Variants in EXOC4 observed in about 807,000 individuals in gnomAD.
EXOC4 encodes SEC8-like 1.
EXOC4 carries 71 observed loss-of-function variants against 107.2 expected under a neutral mutation model. The ratio of observed to expected loss-of-function variants is 0.66; its 90% CI spans 0.55 to 0.81. The LOEUF is 0.81. EXOC4 is among the 30% of genes least tolerant of loss of function. The pLI, the probability that EXOC4 is intolerant of heterozygous loss-of-function variation, is 0.00. For missense variants in EXOC4, 1,108 were observed against 1,189.6 expected (o/e 0.93, Z 1.01); for synonymous variants, 456 against 441.2 (o/e 1.03, Z -0.42).
chr7:133,278,758 A>G (rs971784136), intron 2 of EXOC4, among the ~76,000 whole-genome samples: 12 of 152,168 alleles, frequency 7.9e-5, no homozygotes, highest in African/African-American at 2.7e-4. Flanking sequence ...AACTATCGGT[A>G]TAATGGGAGA....
At chr7:133,917,261 A>T (rs1363785470) in intron 12 of EXOC4, among the ~76,000 whole-genome samples, 1 of 152,102 alleles carries the variant, frequency 6.6e-6, no homozygotes, top group Non-Finnish European at 1.5e-5. Flanking sequence ...TTTTTATTCA[A>T]CATTTTCTTA....
intron 9 of EXOC4, among the ~76,000 whole-genome samples, chr7:133,617,218 T>C (rs899822826): frequency 1.3e-5 from 2 of 152,156 alleles, no homozygotes; most frequent in Non-Finnish European, 2.9e-5. Flanking sequence ...TTAGTTAGGA[T>C]TACAAGAAAA....
intron 6 of EXOC4, 47 bp downstream of exon 6, chr7:133,356,620 C>G (rs1796026940): frequency 6.2e-7 from 1 of 1,601,622 alleles, no homozygotes; most frequent in Non-Finnish European, 8.5e-7. Context: ...ATTTATTGCA[C>G]ATTTTCTAGG....
chr7:133,519,346 C>T (rs1799939544), intron 9 of EXOC4, among the ~76,000 whole-genome samples: 1 of 151,986 alleles, frequency 6.6e-6, no homozygotes, highest in Non-Finnish European at 1.5e-5. Flanking sequence ...TCGCTTGAGC[C>T]CAGGAGGTCG....
At chr7:133,404,889 C>T (rs1251641826) in intron 7 of EXOC4, among the ~76,000 whole-genome samples, 9 of 28,852 alleles carry the variant, frequency 3.1e-4, no homozygotes, top group Non-Finnish European at 5.7e-4. Context: ...CCCCAATACA[C>T]ACACACACAC....
intron 14 of EXOC4, among the ~76,000 whole-genome samples, chr7:133,994,481 A>G (rs917061606): frequency 6.6e-6 from 1 of 152,158 alleles, no homozygotes; most frequent in Non-Finnish European, 1.5e-5. Context: ...ACAAACCTGC[A>G]CGTTCAGCAC....
chr7:134,081,986 C>T, the EXOC4 span, among the ~76,000 whole-genome samples: 23 of 152,310 alleles, frequency 1.5e-4, no homozygotes, highest in Non-Finnish European at 2.5e-4. Context: ...ATGTTCAATA[C>T]ACAGATGAGT....
intron 17 of EXOC4, among the ~76,000 whole-genome samples, chr7:134,023,704 A>G (rs941738696): frequency 9.9e-5 from 15 of 152,234 alleles, no homozygotes; most frequent in Non-Finnish European, 1.8e-4. Flanking sequence ...ACAATGTAAT[A>G]CATTAGTATT....
At chr7:133,471,036 A>G (rs181634695) in intron 7 of EXOC4, among the ~76,000 whole-genome samples, 298 of 152,328 alleles carry the variant, frequency 2.0e-3, no homozygotes, top group Non-Finnish European at 3.6e-3. Flanking sequence ...GTTTGTGTCA[A>G]GACTGTGTAG....
At chr7:133,941,851 C>CTCTCTCTCTCTCTCTCTCTCTCTCTCT (rs1330545954) in intron 14 of EXOC4, among the ~76,000 whole-genome samples, 2 of 151,788 alleles carry the variant, frequency 1.3e-5, no homozygotes, top group Admixed American at 6.6e-5. Flanking sequence ...CTCTCTCTCT[C>CTCTCTCTCTCTCTCTCTCTCTCTCTCT]GGATCTAAGT....
At chr7:134,081,819 GTGA>G in the EXOC4 span, among the ~76,000 whole-genome samples, 11 of 152,132 alleles carry the variant, frequency 7.2e-5, no homozygotes, top group Non-Finnish European at 1.0e-4. Context: ...GGTGAAGGAG[GTGA>G]TGATAAACTT....
intron 10 of EXOC4, among the ~76,000 whole-genome samples, chr7:133,729,316 A>T (rs11761058): frequency 6.6e-6 from 1 of 151,858 alleles, no homozygotes; most frequent in Non-Finnish European, 1.5e-5. Context: ...TAAAAATGTT[A>T]TTTTTTTGAG....
At chr7:133,418,418 T>C (rs1797527673) in intron 7 of EXOC4, among the ~76,000 whole-genome samples, 1 of 152,214 alleles carries the variant, frequency 6.6e-6, no homozygotes. Flanking sequence ...TACTTTCACA[T>C]TGTACTGCTA....
chr7:133,481,046 T>A (rs1344718739), intron 9 of EXOC4: 1 of 100,784 alleles, frequency 9.9e-6, no homozygotes, highest in African/African-American at 3.3e-5. Flanking sequence ...TGAGACCATG[T>A]CTCAAAAAAA....
chr7:133,481,859 A>G (rs1211057313), intron 9 of EXOC4, among the ~76,000 whole-genome samples: 2 of 152,186 alleles, frequency 1.3e-5, no homozygotes, highest in African/African-American at 2.4e-5. Flanking sequence ...AGGGTGACTC[A>G]TGCTCTAGCA....
chr7:133,512,344 A>G (rs185428563), intron 9 of EXOC4, among the ~76,000 whole-genome samples: 1 of 152,114 alleles, frequency 6.6e-6, no homozygotes, highest in East Asian at 1.9e-4. Context: ...CAGTAGAATC[A>G]CTAGAACCCA....
At chr7:133,766,091 C>T (rs375249612) in intron 10 of EXOC4, among the ~76,000 whole-genome samples, 12 of 151,920 alleles carry the variant, frequency 7.9e-5, no homozygotes, top group African/African-American at 2.4e-4. Flanking sequence ...CATTCTCCAA[C>T]GCCCCTCCTT....
chr7:133,863,545 A>T (rs1035673334), intron 11 of EXOC4, among the ~76,000 whole-genome samples: 2 of 152,188 alleles, frequency 1.3e-5, no homozygotes, highest in African/African-American at 4.8e-5. Context: ...GGACAGGGAT[A>T]GTGACTGGCA....
chr7:133,738,521 T>C (rs181393500), intron 10 of EXOC4, among the ~76,000 whole-genome samples: 22 of 152,314 alleles, frequency 1.4e-4, no homozygotes, highest in African/African-American at 5.1e-4. Context: ...CTCTTTGAGC[T>C]GCATTCTACG....
Sources: gnomAD v4.1 joint callset for allele counts (sites outside exome capture counted in the v4.1 genomes callset) on GRCh38, gnomAD v4.1.1 for gene constraint, MANE v1.5 for transcripts, NCBI Gene and HGNC (gene_info 2026-07-23, HGNC 2026-07-21) for gene names.